The following NEGR1 variants were observed in gnomAD, a reference collection of about 807,000 sequenced individuals.
NEGR1 encodes the protein neuronal growth regulator 1.
NEGR1 carries 10 observed loss-of-function variants against 40.9 expected under a neutral mutation model. That is an observed-to-expected ratio of 0.24 (90% CI 0.15 to 0.42). The LOEUF (loss-of-function observed/expected upper bound fraction) is 0.42. NEGR1 is among the 10% of genes least tolerant of loss of function. The pLI, the probability that NEGR1 is intolerant of heterozygous loss-of-function variation, is 1.00. For missense variants in NEGR1, 352 were observed against 438.9 expected (o/e 0.80, Z 1.77); for synonymous variants, 185 against 166.8 (o/e 1.11, Z -0.84).
chr1:72,279,644 T>C (rs534801762), intron 1 of NEGR1, among the ~76,000 whole-genome samples: 1 of 152,210 alleles, frequency 6.6e-6, no homozygotes, highest in Admixed American at 6.5e-5. Flanking sequence ...TGGTTTTAAG[T>C]ATACAAAGAA....
chr1:71,461,202 G>C (rs993305226), intron 6 of NEGR1, among the ~76,000 whole-genome samples: 1 of 152,122 alleles, frequency 6.6e-6, no homozygotes. Flanking sequence ...AAGGGAAGCT[G>C]TTCCAAGTCT....
Position 71,407,409 on chromosome 1 carries a change from C to T in NEGR1, c.*37G>A. On this transcript the variant is annotated 3_prime_UTR_variant, in exon 7 of 7. Coordinates refer to ENST00000357731, the MANE Select transcript of NEGR1 (RefSeq NM_173808.3). ...GATTGGATCCAGCCATCAGCACTTT[C>T]AGAGAATCCTTAAAAGCCTTTTATG... The T allele has an allele frequency of 6.2e-7, 1 of 1,603,228 alleles. No individual in the cohort carries two copies. Among genetic ancestry groups the T allele is most frequent in the Non-Finnish European group, 8.5e-7 (1 of 1,172,764 alleles).
Position 72,282,285 on chromosome 1 carries a change from G to C in NEGR1, c.176+34C>G, listed in dbSNP as rs1270364834. 10 of 1,610,814 alleles carry C rather than the reference G, an allele frequency of 6.2e-6. No individual in the cohort carries two copies. The East Asian group carries it at 2.2e-4, about 36-fold the overall frequency. On this transcript the variant is annotated intron_variant, in intron 1 of 6. Coordinates refer to ENST00000357731, the MANE Select transcript of NEGR1 (RefSeq NM_173808.3). ...TCAAAGAGAGACAGAAAGATAGACC[G>C]AAACAAGTACGAAAAGCACGCCGTT...
At chr1:71,941,107 C>T (rs1438988338) in intron 1 of NEGR1, among the ~76,000 whole-genome samples, 1 of 152,152 alleles carries the variant, frequency 6.6e-6, no homozygotes, top group African/African-American at 2.4e-5. Flanking sequence ...AAGAGACTTA[C>T]CAGCTACCTT....
chr1:72,082,319 G>C (rs947903328), intron 1 of NEGR1, among the ~76,000 whole-genome samples: 1 of 152,068 alleles, frequency 6.6e-6, no homozygotes, highest in Non-Finnish European at 1.5e-5. Flanking sequence ...TGATTCTTAA[G>C]AAGATGACAG....
intron 1 of NEGR1, among the ~76,000 whole-genome samples, chr1:72,209,060 T>C (rs1404509971): frequency 2.0e-5 from 3 of 151,708 alleles, no homozygotes; most frequent in East Asian, 1.9e-4. Flanking sequence ...TGTAATTATT[T>C]TGAAGTAACT....
intron 2 of NEGR1, among the ~76,000 whole-genome samples, chr1:71,875,055 C>T (rs1003221750): frequency 6.6e-6 from 1 of 152,030 alleles, no homozygotes; most frequent in Non-Finnish European, 1.5e-5. Flanking sequence ...CCATGTTGCC[C>T]AGGCTGGTCT....
intron 6 of NEGR1, among the ~76,000 whole-genome samples, chr1:71,579,943 T>G (rs10889921): frequency 1.3e-5 from 2 of 152,036 alleles, no homozygotes; most frequent in African/African-American, 2.4e-5. Context: ...AAGAGTCAGT[T>G]GTAAGAAAGA....
At chr1:71,915,085 C>G (rs960759948) in intron 2 of NEGR1, among the ~76,000 whole-genome samples, 1 of 151,894 alleles carries the variant, frequency 6.6e-6, no homozygotes, top group Non-Finnish European at 1.5e-5. Context: ...CTGTTAGAGG[C>G]TACATCATGA....
At position 72,210,578 on chromosome 1, in the gene NEGR1, T is replaced by C. The variant is rs766550557; in HGVS notation, c.176+71741A>G. 1.0e-3 allele frequency among the ~76,000 whole-genome samples: 154 copies of C among 151,896 alleles called. 3 individuals carry two copies. The highest frequency in any genetic ancestry group is 8.8e-4 in the Non-Finnish European group (60 of 67,912). ...ATAAATCACTCAGACTTCATGACAATTTTTGTTGCAAAGTTGAAGATTTGA... is the reference window on the plus strand; with the variant it reads ...ATAAATCACTCAGACTTCATGACAACTTTTGTTGCAAAGTTGAAGATTTGA... On this transcript the variant is annotated intron_variant, in intron 1 of 6. Coordinates refer to ENST00000357731, the MANE Select transcript of NEGR1 (RefSeq NM_173808.3).
At chr1:71,410,932 C>A (rs1186859929) in intron 6 of NEGR1, among the ~76,000 whole-genome samples, 6 of 152,098 alleles carry the variant, frequency 3.9e-5, no homozygotes, top group Admixed American at 3.9e-4. Context: ...TAGGAAAAAA[C>A]CTTCAGAAAA....
At chr1:72,079,766 C>T (rs943687822) in intron 1 of NEGR1, among the ~76,000 whole-genome samples, 2 of 151,944 alleles carry the variant, frequency 1.3e-5, no homozygotes, top group Non-Finnish European at 2.9e-5. Flanking sequence ...ATTTCACTTT[C>T]GAATACTAAA....
chr1:71,503,405 G>A (rs1021665976), intron 6 of NEGR1, among the ~76,000 whole-genome samples: 1 of 152,074 alleles, frequency 6.6e-6, no homozygotes, highest in Non-Finnish European at 1.5e-5. Flanking sequence ...CCCCTACAAT[G>A]CTTGCCCCCT....
At chr1:71,564,005 A>G (rs1297825517) in intron 6 of NEGR1, among the ~76,000 whole-genome samples, 1 of 152,000 alleles carries the variant, frequency 6.6e-6, no homozygotes, top group African/African-American at 2.4e-5. Flanking sequence ...CAAAACAAAT[A>G]TGTATTTATG....
At chr1:71,659,301 C>T (rs1282938196) in intron 4 of NEGR1, among the ~76,000 whole-genome samples, 1 of 152,074 alleles carries the variant, frequency 6.6e-6, no homozygotes, top group Non-Finnish European at 1.5e-5. Flanking sequence ...TCTTCAATAG[C>T]CAAATTGTGA....
intron 1 of NEGR1, among the ~76,000 whole-genome samples, chr1:72,176,738 T>C (rs2100404868): frequency 6.6e-6 from 1 of 151,942 alleles, no homozygotes; most frequent in East Asian, 1.9e-4. Flanking sequence ...TGGTGAGAAA[T>C]GAGCTTGCAT....
chr1:71,474,015 G>A (rs1222787882), intron 6 of NEGR1, among the ~76,000 whole-genome samples: 1 of 151,920 alleles, frequency 6.6e-6, no homozygotes, highest in Non-Finnish European at 1.5e-5. Flanking sequence ...CACTGGGTAA[G>A]ATCTATAATG....
intron 1 of NEGR1, among the ~76,000 whole-genome samples, chr1:72,104,248 T>C (rs2100252072): frequency 6.6e-6 from 1 of 152,250 alleles, no homozygotes; most frequent in African/African-American, 2.4e-5. Context: ...GTAGATGTGA[T>C]TAAGTTAAGG....
chr1:71,735,396 T>C (rs1276615796), intron 3 of NEGR1, among the ~76,000 whole-genome samples: 2 of 152,082 alleles, frequency 1.3e-5, no homozygotes, highest in Non-Finnish European at 2.9e-5. Context: ...ATCACTATAA[T>C]TTTCAAAGTA....
Sources: allele counts gnomAD v4.1 joint callset (sites outside exome capture counted in the v4.1 genomes callset), GRCh38; gene constraint gnomAD v4.1.1; transcripts MANE v1.5; gene names NCBI Gene and HGNC (gene_info 2026-07-23, HGNC 2026-07-21).